DNER: variants seen among roughly 807,000 people sequenced by gnomAD.
The protein encoded by DNER is delta and Notch-like epidermal growth factor-related receptor.
In DNER, 33 loss-of-function variants were observed where a neutral mutation model predicts 78.2. The observed-to-expected ratio is 0.42, with a 90% CI of 0.32 to 0.56. DNER has a LOEUF of 0.56. Ranked by LOEUF, DNER falls within the 20% of genes least tolerant of loss-of-function variation. The probability of loss-of-function intolerance (pLI) is 0.11; values close to 1 mark genes in which losing one functional copy is unlikely to be tolerated. For missense variants in DNER, 918 were observed against 975.3 expected, an observed-to-expected ratio of 0.94 and a Z score of 0.78; for synonymous variants, 417 against 384.8, an observed-to-expected ratio of 1.08 and a Z score of -0.98.
At chr2:229,713,661 C>T (rs1385639113) in intron 1 of DNER, among the ~76,000 whole-genome samples, 1 of 152,258 alleles carries the variant, frequency 6.6e-6, no homozygotes, top group Non-Finnish European at 1.5e-5. Flanking sequence ...TGCCCCACCA[C>T]CTGGCACGGG....
chr2:229,668,204 C>A (rs1699128238), intron 1 of DNER, among the ~76,000 whole-genome samples: 2 of 152,034 alleles, frequency 1.3e-5, no homozygotes, highest in African/African-American at 4.8e-5. Flanking sequence ...TTTCAACTGT[C>A]TCAACCTTCT....
chr2:229,482,836 A>C (rs1233292302), intron 6 of DNER, among the ~76,000 whole-genome samples: 1 of 152,252 alleles, frequency 6.6e-6, no homozygotes, highest in African/African-American at 2.4e-5. Context: ...AATAAATTGC[A>C]CAACAGAGTA....
rs763967495 is a variant in DNER, at chr2:229,512,860, G to C, written c.1070C>G (p.Pro357Arg). 1.2e-6 allele frequency: 2 copies of C among 1,614,134 alleles called. No homozygotes were observed. The highest frequency in any genetic ancestry group is 2.2e-5 in the South Asian group (2 of 91,080). ...AATACAGCTCGCGTTGTTTTGGCAA[G>C]GTTTCCTCTGGCAAGCATCGTATTC... is the stretch of plus-strand genomic sequence containing the variant. ...CEEYDACQRK[P>R]CQNNASCIDA... The change falls in exon 6 of 13, where the codon CCT becomes CGT. Residue 357 changes from proline (P) to arginine (R), a missense_variant. Coordinates refer to ENST00000341772, the MANE Select transcript of DNER (RefSeq NM_139072.4).
At chr2:229,466,140 C>T (rs1441837444) in intron 7 of DNER, among the ~76,000 whole-genome samples, 1 of 152,162 alleles carries the variant, frequency 6.6e-6, no homozygotes, top group African/African-American at 2.4e-5. Flanking sequence ...CTTCTCCTCT[C>T]CTGCTAAACC....
intron 12 of DNER, among the ~76,000 whole-genome samples, 185 bp from the exon 13 acceptor site, chr2:229,358,836 T>C (rs1033527113): frequency 7.9e-5 from 12 of 152,226 alleles, no homozygotes; most frequent in South Asian, 6.2e-4. Context: ...TAGTCTTTGG[T>C]GTTCGAGGCA....
intron 6 of DNER, among the ~76,000 whole-genome samples, chr2:229,501,110 T>C (rs61036626): frequency 0.13 from 19,036 of 151,990 alleles, 1,321 homozygotes; most frequent in South Asian, 0.2. Flanking sequence ...GTAGAGAGAA[T>C]GGTGATTACC....
At chr2:229,401,194 T>G (rs999891779) in intron 10 of DNER, among the ~76,000 whole-genome samples, 24 of 152,054 alleles carry the variant, frequency 1.6e-4, no homozygotes, top group Non-Finnish European at 2.8e-4. Flanking sequence ...GGCAAGGATG[T>G]AGAGAAACTG....
intron 7 of DNER, among the ~76,000 whole-genome samples, chr2:229,452,977 G>A (rs1694492868): frequency 1.3e-5 from 2 of 152,148 alleles, no homozygotes; most frequent in Non-Finnish European, 2.9e-5. Context: ...AGCAAATAAA[G>A]CATATGTATG....
intron 6 of DNER, among the ~76,000 whole-genome samples, chr2:229,485,464 A>G (rs1467797349): frequency 6.6e-6 from 1 of 152,260 alleles, no homozygotes; most frequent in Non-Finnish European, 1.5e-5. Flanking sequence ...GTATTTAAGT[A>G]TAAAATATAA....
chr2:229,617,351 A>G (rs1416802309), intron 1 of DNER, among the ~76,000 whole-genome samples: 1 of 152,194 alleles, frequency 6.6e-6, no homozygotes, highest in Non-Finnish European at 1.5e-5. Context: ...TTTAAATTAA[A>G]ACCTCATCAC....
intron 4 of DNER, among the ~76,000 whole-genome samples, chr2:229,550,549 G>T (rs2154213320): frequency 6.6e-6 from 1 of 152,174 alleles, no homozygotes; most frequent in Admixed American, 6.5e-5. Flanking sequence ...GGCCAAGGCA[G>T]GTGGATCATG....
intron 7 of DNER, among the ~76,000 whole-genome samples, chr2:229,457,195 C>A (rs116376368): frequency 1.3e-5 from 2 of 151,780 alleles, no homozygotes; most frequent in Non-Finnish European, 2.9e-5. Flanking sequence ...TGAATAGAAA[C>A]AATAATAGGT....
intron 4 of DNER, among the ~76,000 whole-genome samples, chr2:229,569,549 A>G (rs921902075): frequency 2.0e-5 from 3 of 152,130 alleles, no homozygotes; most frequent in African/African-American, 7.2e-5. Context: ...AAATTTTTTA[A>G]GTTCTCTATA....
intron 6 of DNER, among the ~76,000 whole-genome samples, chr2:229,478,348 TC>T (rs1273589460): frequency 6.6e-6 from 1 of 152,140 alleles, no homozygotes; most frequent in African/African-American, 2.4e-5. Flanking sequence ...ACCAAAAAGA[TC>T]CAGTGATACT....
At chr2:229,448,610 TTA>T (rs1215846783) in intron 7 of DNER, among the ~76,000 whole-genome samples, 1 of 152,232 alleles carries the variant, frequency 6.6e-6, no homozygotes, top group Non-Finnish European at 1.5e-5. Flanking sequence ...TAGGTGATTT[TTA>T]TCTTGTTTCC....
chr2:229,685,502 G>A (rs1235199345), intron 1 of DNER, among the ~76,000 whole-genome samples: 1 of 151,742 alleles, frequency 6.6e-6, no homozygotes, highest in Admixed American at 6.6e-5. Context: ...AAAGGTAAAA[G>A]GTGGTGCCCA....
intron 4 of DNER, among the ~76,000 whole-genome samples, chr2:229,566,664 A>C (rs1574906690): frequency 6.6e-6 from 1 of 152,108 alleles, no homozygotes; most frequent in Non-Finnish European, 1.5e-5. Flanking sequence ...GGTCTTCGGC[A>C]CCCAGCCTCT....
chr2:229,540,805 C>T (rs1448478777), intron 5 of DNER, among the ~76,000 whole-genome samples: 1 of 152,144 alleles, frequency 6.6e-6, no homozygotes, highest in East Asian at 1.9e-4. Flanking sequence ...ATGATGCCAG[C>T]TCAATTGTCT....
chr2:229,662,992 A>G (rs746725671), intron 1 of DNER, among the ~76,000 whole-genome samples: 1 of 152,160 alleles, frequency 6.6e-6, no homozygotes, highest in Non-Finnish European at 1.5e-5. Context: ...ATCTCCTCCT[A>G]TTCTAAGATT....
Sources: allele counts gnomAD v4.1 joint callset (sites outside exome capture counted in the v4.1 genomes callset), GRCh38; gene constraint gnomAD v4.1.1; transcripts MANE v1.5; gene names NCBI Gene and HGNC (gene_info 2026-07-23, HGNC 2026-07-21).